STARD9: variants seen among roughly 807,000 people sequenced by gnomAD.
STARD9 encodes the protein stAR-related lipid transfer protein 9.
A neutral mutation model predicts 399.8 loss-of-function variants in STARD9; 346 were observed. The observed-to-expected ratio is 0.87, with a 90% CI of 0.79 to 0.95. The LOEUF is 0.95. STARD9 is among the 40% of genes least tolerant of loss of function. The pLI, the probability that STARD9 is intolerant of heterozygous loss-of-function variation, is 0.00. For missense variants in STARD9, 5,832 were observed against 5,667.5 expected (o/e 1.03, Z -0.93); for synonymous variants, 2,203 against 2,143.5 (o/e 1.03, Z -0.77).
At chr15:42,595,471 A>G (rs1297670050) in intron 3 of STARD9, among the ~76,000 whole-genome samples, 3 of 152,198 alleles carry the variant, frequency 2.0e-5, no homozygotes, top group East Asian at 3.9e-4. Context: ...CTATTAGATT[A>G]ATTATTCAAT....
intron 2 of STARD9, among the ~76,000 whole-genome samples, 165 bp downstream of exon 2, chr15:42,583,580 A>C (rs1479446097): frequency 6.6e-6 from 1 of 152,170 alleles, no homozygotes; most frequent in Non-Finnish European, 1.5e-5. Flanking sequence ...GCAAATCAAG[A>C]AATCAAGAAA....
At chr15:42,682,073 G>A in intron 21 of STARD9, 31 bp from the exon 22 acceptor site, 2 of 1,446,064 alleles carry the variant, frequency 1.4e-6, no homozygotes, top group South Asian at 2.5e-5. Flanking sequence ...AGGAGATGCT[G>A]AAATTCTCTC....
intron 9 of STARD9, among the ~76,000 whole-genome samples, chr15:42,657,288 A>C (rs1186923155): frequency 2.0e-5 from 3 of 151,040 alleles, no homozygotes; most frequent in Admixed American, 1.3e-4. Flanking sequence ...TGAATCCAGG[A>C]GGCAGAGGTT....
At position 42,693,497 on chromosome 15, in the gene STARD9, G is replaced by A; in HGVS notation, c.11919G>A (p.Gly3973=). ...GAAGTTCCTTACAAAGGAGTAATGG[G>A]AGATCCTTCCTTGAGTTGCACTCCC... ...RGRSSLQRSN[G]RSFLELHSPH... is the part of the protein sequence containing the mutation. The change falls in exon 23 of 33, where the codon GGG becomes GGA. Residue 3973 remains glycine (G), a synonymous_variant. Transcript: ENST00000290607. 2.6e-6 allele frequency: 4 copies of A among 1,537,240 alleles called. No homozygotes were observed. The highest frequency in any genetic ancestry group is 3.5e-6 in the Non-Finnish European group (4 of 1,146,918).
intron 7 of STARD9, among the ~76,000 whole-genome samples, chr15:42,644,496 A>G (rs2059608300): frequency 6.6e-6 from 1 of 152,156 alleles, no homozygotes; most frequent in African/African-American, 2.4e-5. Context: ...CCGTCTAAAA[A>G]AAAAAAAAAT....
At chr15:42,645,862 T>C (rs900746570) in intron 7 of STARD9, among the ~76,000 whole-genome samples, 10 of 151,700 alleles carry the variant, frequency 6.6e-5, no homozygotes, top group African/African-American at 2.4e-4. Context: ...ATTTTCAGAG[T>C]GATAATGGCT....
At chr15:42,638,173 C>G in intron 6 of STARD9, 86 bp downstream of exon 6, 3 of 1,208,906 alleles carry the variant, frequency 2.5e-6, no homozygotes, top group Non-Finnish European at 3.5e-6. Context: ...TCTTTGCTTC[C>G]AGAGTCACCA....
At chr15:42,585,480 A>G (rs2058256061) in intron 2 of STARD9, 41 bp from the exon 3 acceptor site, 1 of 1,394,912 alleles carries the variant, frequency 7.2e-7, no homozygotes, top group African/African-American at 1.4e-5. Context: ...AGATTCTAAT[A>G]TTATGATAGA....
chr15:42,577,140 T>G (rs2058071923), intron 1 of STARD9, among the ~76,000 whole-genome samples: 1 of 152,146 alleles, frequency 6.6e-6, no homozygotes, highest in Non-Finnish European at 1.5e-5. Context: ...CCTTGGACAC[T>G]AGGAATTTCT....
intron 7 of STARD9, among the ~76,000 whole-genome samples, chr15:42,645,395 C>T (rs2059626077): frequency 6.6e-6 from 1 of 152,124 alleles, no homozygotes; most frequent in Admixed American, 6.6e-5. Flanking sequence ...CTTGGGTGAC[C>T]AGGCACACTG....
chr15:42,614,920 G>A (rs558226131), intron 3 of STARD9, among the ~76,000 whole-genome samples: 26 of 152,108 alleles, frequency 1.7e-4, no homozygotes, highest in African/African-American at 5.5e-4. Flanking sequence ...AGCTGAGATC[G>A]TGTCACTGCA....
rs1595740196 is a variant in STARD9, at chr15:42,669,525, A to G, written c.1497+188A>G. On this transcript the variant is annotated intron_variant, in intron 16 of 32. Transcript: ENST00000290607. ...TGATCTGTTTTGCCTTCGTATGTAT[A>G]GAGCAGAAGACTGGAAATCAGAACA... The G allele has an allele frequency of 6.8e-6, 3 of 441,068 alleles. No individual in the cohort carries two copies. The East Asian group carries it at 9.4e-5, about 14-fold the overall frequency. 27.3% of individuals were successfully genotyped at this position (441,068 alleles called of 1,614,324 possible).
intron 3 of STARD9, among the ~76,000 whole-genome samples, chr15:42,599,508 G>A (rs1399609813): frequency 6.6e-6 from 1 of 152,082 alleles, no homozygotes; most frequent in Non-Finnish European, 1.5e-5. Context: ...AATACTGCTT[G>A]TTCTTTAAGG....
At chr15:42,652,095 G>A (rs2059772401) in intron 8 of STARD9, among the ~76,000 whole-genome samples, 2 of 151,960 alleles carry the variant, frequency 1.3e-5, no homozygotes, top group Admixed American at 1.3e-4. Flanking sequence ...CTGTCTTTGA[G>A]GTATCTTCTC....
At chr15:42,593,859 G>C (rs542043962) in intron 3 of STARD9, among the ~76,000 whole-genome samples, 17 of 151,514 alleles carry the variant, frequency 1.1e-4, no homozygotes, top group Non-Finnish European at 1.0e-4. Context: ...TAGTAGAGAC[G>C]GGGTTTCTCC....
chr15:42,674,665 G>A (rs1276965012), intron 17 of STARD9, among the ~76,000 whole-genome samples, 162 bp from the exon 18 acceptor site: 2 of 152,294 alleles, frequency 1.3e-5, no homozygotes, highest in East Asian at 3.9e-4. Context: ...GGAGACCCAC[G>A]CAGTGGGAGG....
intron 7 of STARD9, among the ~76,000 whole-genome samples, chr15:42,645,015 A>G (rs374141427): frequency 5.3e-5 from 8 of 152,154 alleles, no homozygotes; most frequent in African/African-American, 1.9e-4. Flanking sequence ...TTCTCATTCT[A>G]CTTCTCTTGA....
intron 3 of STARD9, among the ~76,000 whole-genome samples, chr15:42,588,419 C>T (rs1429454017): frequency 1.3e-5 from 2 of 152,170 alleles, no homozygotes; most frequent in Non-Finnish European, 2.9e-5. Context: ...GAGATCCAGA[C>T]AGGAAGCCTG....
intron 20 of STARD9, among the ~76,000 whole-genome samples, chr15:42,678,092 G>A (rs2060348488): frequency 6.6e-6 from 1 of 152,194 alleles, no homozygotes; most frequent in Admixed American, 6.5e-5. Flanking sequence ...CTGTAGGCTG[G>A]GCTGGTCCTG....
Sources: allele counts gnomAD v4.1 joint callset (sites outside exome capture counted in the v4.1 genomes callset), GRCh38; gene constraint gnomAD v4.1.1; transcripts MANE v1.5; gene names NCBI Gene and HGNC (gene_info 2026-07-23, HGNC 2026-07-21).